Variants in VPS13D observed in about 807,000 individuals in gnomAD.
VPS13D encodes vacuolar protein sorting 13 homolog D.
Under a neutral mutation model 461.9 loss-of-function variants are expected in VPS13D, and 187 were observed. The observed-to-expected ratio is 0.40, with a 90% confidence interval of 0.36 to 0.46. The LOEUF is 0.46. Among genes scored for constraint, VPS13D ranks in the 20% least tolerant of loss-of-function variants. The probability of loss-of-function intolerance (pLI) is 0.60; values close to 1 mark genes in which losing one functional copy is unlikely to be tolerated. For missense variants in VPS13D, 4,711 were observed against 5,364.9 expected (o/e 0.88, Z 3.81); for synonymous variants, 1,951 against 1,986.3 (o/e 0.98, Z 0.47).
At chr1:12,492,935 G>A (rs1204400880) in intron 67 of VPS13D, among the ~76,000 whole-genome samples, 1 of 152,176 alleles carries the variant, frequency 6.6e-6, no homozygotes, top group East Asian at 1.9e-4. Flanking sequence ...CCTTTGAAAT[G>A]TGGTAAGGCT....
intron 67 of VPS13D, among the ~76,000 whole-genome samples, chr1:12,487,472 A>G (rs1039155592): frequency 5.9e-5 from 9 of 152,076 alleles, no homozygotes; most frequent in Admixed American, 3.9e-4. Flanking sequence ...TTAGCCGGGC[A>G]TGGTGCCGTA....
chr1:12,418,703 G>A (rs556971218), intron 65 of VPS13D, among the ~76,000 whole-genome samples: 1 of 152,222 alleles, frequency 6.6e-6, no homozygotes, highest in South Asian at 2.1e-4. Context: ...AGATAAATAG[G>A]TCATTACTTT....
intron 67 of VPS13D, among the ~76,000 whole-genome samples, chr1:12,487,303 C>T (rs766988369): frequency 9.2e-5 from 14 of 152,068 alleles, no homozygotes; most frequent in Non-Finnish European, 1.9e-4. Context: ...AGTGAACAGG[C>T]GGTCTTGAAA....
chr1:12,384,308 G>C (rs1012811601), intron 58 of VPS13D, among the ~76,000 whole-genome samples: 16 of 152,120 alleles, frequency 1.1e-4, no homozygotes, highest in Non-Finnish European at 1.9e-4. Flanking sequence ...GTCAGTAATG[G>C]CCTCCAAGGT....
At chr1:12,345,108 C>T (rs965990979) in intron 42 of VPS13D, 39 of 321,196 alleles carry the variant, frequency 1.2e-4, no homozygotes, top group African/African-American at 7.2e-4. Flanking sequence ...GACCTTGGCT[C>T]GTGTTTAGGT....
intron 49 of VPS13D, among the ~76,000 whole-genome samples, chr1:12,356,760 A>G (rs897095321): frequency 1.3e-5 from 2 of 152,252 alleles, no homozygotes; most frequent in East Asian, 3.8e-4. Context: ...TTTTACATGC[A>G]TTGAAGTAGT....
In VPS13D at chr1:12,509,115, CGGAGTCG is replaced by C; in HGVS notation, c.*94_*100del. ...TCTCAGCTGACGATGGAGGCAGAAC[CGGAGTCG>C]GGTTTGGGGAAGTTGTCAAGGAATG... On this transcript the variant is annotated 3_prime_UTR_variant, in exon 70 of 70. Transcript: ENST00000620676. The C allele has an allele frequency of 6.9e-7, 1 of 1,451,546 alleles. No individual in the cohort carries two copies. Among genetic ancestry groups the C allele is most frequent in the Non-Finnish European group, 9.1e-7 (1 of 1,092,960 alleles). The allele number at this position is 1,451,546 out of a possible 1,614,324, so 89.9% of individuals were successfully genotyped here.
intron 41 of VPS13D, 71 bp from the exon 42 acceptor site, chr1:12,342,828 T>C: frequency 6.6e-7 from 1 of 1,508,780 alleles, no homozygotes. Flanking sequence ...TCTGCTCTTC[T>C]GCACGGGGCT....
chr1:12,318,942 C>T (rs1642960043), intron 31 of VPS13D, among the ~76,000 whole-genome samples: 1 of 152,260 alleles, frequency 6.6e-6, no homozygotes, highest in Admixed American at 6.5e-5. Flanking sequence ...CAAGCTTGAT[C>T]TGTATATGGT....
chr1:12,379,617 A>C, intron 57 of VPS13D, 21 bp downstream of exon 57: 1 of 1,583,882 alleles, frequency 6.3e-7, no homozygotes, highest in Non-Finnish European at 8.7e-7. Context: ...TTTGATCCCC[A>C]ATTGCAGCAA....
Position 12,342,896 on chromosome 1 carries a change from C to T in VPS13D, c.8733-3C>T, listed in dbSNP as rs1349597841. 2 of 1,605,452 alleles carry T rather than the reference C, an allele frequency of 1.2e-6. No individual in the cohort carries two copies. The highest frequency in any genetic ancestry group is 1.3e-5 in the African/African-American group (1 of 74,850). ...AGGCTGATGTCATCTGATTTGGTTC[C>T]AGAGCTGCACTCTCTCACAGTGGGA... On this transcript the variant is annotated splice_polypyrimidine_tract_variant and splice_region_variant and intron_variant, in intron 41 of 69. Transcript: ENST00000620676.
chr1:12,398,344 A>G (rs1383091956), intron 60 of VPS13D, among the ~76,000 whole-genome samples: 1 of 151,996 alleles, frequency 6.6e-6, no homozygotes, highest in Non-Finnish European at 1.5e-5. Context: ...AATGAGGGCA[A>G]GTAGTTTAAC....
intron 60 of VPS13D, among the ~76,000 whole-genome samples, chr1:12,388,469 G>A (rs141429140): frequency 0.019 from 2,870 of 152,078 alleles, 109 homozygotes; most frequent in Admixed American, 0.099. Flanking sequence ...AGTTACTCGG[G>A]AGGCTGAGAC....
At chr1:12,238,220 C>A (rs1640225444) in intron 2 of VPS13D, among the ~76,000 whole-genome samples, 2 of 122,792 alleles carry the variant, frequency 1.6e-5, no homozygotes, top group South Asian at 5.1e-4. Flanking sequence ...AAATAATCCC[C>A]AAAAAATCCC....
intron 22 of VPS13D, among the ~76,000 whole-genome samples, chr1:12,289,224 G>A (rs928467814): frequency 4.0e-5 from 6 of 151,728 alleles, no homozygotes; most frequent in Admixed American, 3.9e-4. Flanking sequence ...TAAATAGTAG[G>A]ATTTTAAAAA....
rs906304671 is a variant in VPS13D at position 12,495,271 on chromosome 1, T to C, written c.12663-2229T>C. On this transcript the variant is annotated intron_variant, in intron 67 of 69. Transcript: ENST00000620676. The surrounding 1 kb of genome is among the most constrained non-coding windows in gnomAD (Gnocchi z 4.0). ...TTCATGCCATTCTCCTGCCTCAGCC[T>C]CCTGAATAGCTGGGACTACAGGCGC... 3.3e-5 allele frequency among the ~76,000 whole-genome samples: 5 copies of C among 150,586 alleles called. No individual in the cohort carries two copies. The highest frequency in any genetic ancestry group is 3.3e-4 in the Admixed American group (5 of 15,068).
intron 13 of VPS13D, among the ~76,000 whole-genome samples, chr1:12,264,461 A>C (rs1236388718): frequency 6.6e-6 from 1 of 152,276 alleles, no homozygotes; most frequent in African/African-American, 2.4e-5. Flanking sequence ...TATTAGTAAA[A>C]GTGCTACTTC....
intron 49 of VPS13D, among the ~76,000 whole-genome samples, chr1:12,357,859 C>T (rs1224536880): frequency 6.6e-6 from 1 of 152,062 alleles, no homozygotes; most frequent in Non-Finnish European, 1.5e-5. Context: ...CAAAAATTAG[C>T]CGGGTGTGGT....
intron 55 of VPS13D, among the ~76,000 whole-genome samples, chr1:12,376,073 G>C (rs1297580719): frequency 1.3e-5 from 2 of 152,198 alleles, no homozygotes; most frequent in Non-Finnish European, 2.9e-5. Context: ...GATCTCACCT[G>C]GGTATGTCTG....
Sources: allele counts gnomAD v4.1 joint callset (sites outside exome capture counted in the v4.1 genomes callset), GRCh38; gene constraint gnomAD v4.1.1; non-coding constraint Gnocchi (gnomAD v3.1); transcripts MANE v1.5; gene names NCBI Gene and HGNC (gene_info 2026-07-23, HGNC 2026-07-21).